SRRM3: variants seen among roughly 807,000 people sequenced by gnomAD.
SRRM3 encodes serine/arginine repetitive matrix protein 3.
SRRM3 carries 27 observed loss-of-function variants against 66.2 expected under a neutral mutation model. The observed-to-expected ratio is 0.41, with a 90% CI of 0.30 to 0.56. SRRM3 has a LOEUF of 0.56. SRRM3 is among the 20% of genes least tolerant of loss of function. SRRM3 has a pLI of 0.32. For synonymous variants in SRRM3, 391 were observed against 414.9 expected (o/e 0.94, Z 0.70); for missense variants, 918 against 991.9 (o/e 0.93, Z 1.00).
intron 3 of SRRM3, among the ~76,000 whole-genome samples, chr7:76,248,917 T>C (rs1427167203): frequency 6.6e-6 from 1 of 151,830 alleles, no homozygotes; most frequent in Non-Finnish European, 1.5e-5. Context: ...AAGGCAGAGG[T>C]TGCAGTGAGC....
At chr7:76,242,274 C>T (rs1404206282) in intron 2 of SRRM3, among the ~76,000 whole-genome samples, 3 of 152,072 alleles carry the variant, frequency 2.0e-5, no homozygotes, top group African/African-American at 7.2e-5. Context: ...CACCTGAGGT[C>T]GGGAGTTCGA....
At chr7:76,218,731 T>C (rs1264173057) in intron 1 of SRRM3, among the ~76,000 whole-genome samples, 1 of 146,636 alleles carries the variant, frequency 6.8e-6, no homozygotes, top group African/African-American at 2.5e-5. Context: ...CAGGCTGGAT[T>C]GCAGTGGTGA....
intron 1 of SRRM3, among the ~76,000 whole-genome samples, chr7:76,203,461 G>A (rs1554600820): frequency 6.6e-6 from 1 of 152,254 alleles, no homozygotes; most frequent in Non-Finnish European, 1.5e-5. Context: ...TGGATAAGGA[G>A]ATGGGAGACT....
rs782672067 is a variant in SRRM3 at position 76,285,565 on chromosome 7, T to C, written c.1734-50T>C. On this transcript the variant is annotated intron_variant, in intron 14 of 14. Coordinates refer to ENST00000611745, the MANE Select transcript of SRRM3 (RefSeq NM_001110199.3). The surrounding 1 kb of genome is among the most constrained non-coding windows in gnomAD (Gnocchi z 4.1). ...CAGGAAGCCCTGGCCGCTGCTGGGA[T>C]GGGGCTCGGGGCCTGGGATGGCCTG... is the stretch of plus-strand genomic sequence containing the variant. 29 of 1,479,274 alleles carry C rather than the reference T, an allele frequency of 2.0e-5. No individual in the cohort carries two copies. The South Asian group carries it at 3.7e-4, about 19-fold the overall frequency. 91.6% of individuals were successfully genotyped at this position (1,479,274 alleles called of 1,614,324 possible). A position where few individuals can be genotyped will look rare whatever the true frequency, so the allele number is the denominator to read the frequency against.
At position 76,285,825 on chromosome 7, in the gene SRRM3, T is replaced by G. The variant is rs1392027030; in HGVS notation, c.1944T>G (p.Ser648=). 1 of 1,550,052 alleles carries G rather than the reference T, an allele frequency of 6.5e-7. No individual in the cohort carries two copies. The highest frequency in any genetic ancestry group is 2.0e-5 in the Admixed American group (1 of 50,986). The change falls in exon 15 of 15, where the codon TCT becomes TCG. Residue 648 remains serine, a synonymous_variant. Transcript: ENST00000611745. This position sits in a 1 kb window ranked among gnomAD's most constrained non-coding sequence, Gnocchi z 4.1. The part of the protein sequence containing the change: ...PSPSYHSRSS[S]ESGGF ...CCAGCTACCACAGCCGGAGCAGCTC[T>G]GAGAGCGGGGGCTTCTGAGCCCAGA... is the stretch of plus-strand genomic sequence containing the variant.
chr7:76,203,520 G>A (rs1335856730), intron 1 of SRRM3, among the ~76,000 whole-genome samples: 6 of 152,188 alleles, frequency 3.9e-5, no homozygotes, highest in Admixed American at 3.3e-4. Context: ...TAGGAGACAA[G>A]TAAGAATTTC....
At chr7:76,284,967 A>G (rs1451205941) in intron 14 of SRRM3, among the ~76,000 whole-genome samples, 1 of 152,148 alleles carries the variant, frequency 6.6e-6, no homozygotes, top group Non-Finnish European at 1.5e-5. Context: ...TGCAGAGGGG[A>G]CAGGGGAACA....
intron 8 of SRRM3, among the ~76,000 whole-genome samples, chr7:76,262,431 G>A (rs1554608889): frequency 1.3e-5 from 2 of 151,378 alleles, no homozygotes; most frequent in East Asian, 1.9e-4. Context: ...ACTTGAACCC[G>A]GGTGGCGGAG....
chr7:76,248,896 C>T (rs1801505632), intron 3 of SRRM3, among the ~76,000 whole-genome samples: 1 of 152,190 alleles, frequency 6.6e-6, no homozygotes, highest in Non-Finnish European at 1.5e-5. Flanking sequence ...AGGAGAATCG[C>T]TTGAACCCGG....
intron 12 of SRRM3, 59 bp from the exon 13 acceptor site, chr7:76,282,589 C>CA: frequency 1.0e-6 from 1 of 959,182 alleles, no homozygotes; most frequent in Non-Finnish European, 1.4e-6. Context: ...GAACCCTCCC[C>CA]GCCCCCAGCC....
chr7:76,277,503 G>A (rs1554611288), intron 11 of SRRM3, among the ~76,000 whole-genome samples: 1 of 151,988 alleles, frequency 6.6e-6, no homozygotes, highest in African/African-American at 2.4e-5. Context: ...AGACCAGCCT[G>A]GCCAACATGG....
chr7:76,282,030 C>T (rs1286535442), intron 12 of SRRM3, among the ~76,000 whole-genome samples: 2 of 136,038 alleles, frequency 1.5e-5, no homozygotes, highest in Non-Finnish European at 3.2e-5. Flanking sequence ...CAACCCCCCA[C>T]GGAGCTCTCC....
At chr7:76,257,944 G>A (rs1801754658) in intron 3 of SRRM3, among the ~76,000 whole-genome samples, 1 of 152,088 alleles carries the variant, frequency 6.6e-6, no homozygotes, top group Admixed American at 6.6e-5. Context: ...ATGAGCCCTT[G>A]TCTGGAGCTT....
At chr7:76,205,625 TG>T (rs1800282701) in intron 1 of SRRM3, among the ~76,000 whole-genome samples, 1 of 152,150 alleles carries the variant, frequency 6.6e-6, no homozygotes, top group African/African-American at 2.4e-5. Context: ...CTGTGGTCCT[TG>T]GGGGCCTCCT....
intron 1 of SRRM3, among the ~76,000 whole-genome samples, chr7:76,227,640 C>T (rs1350858086): frequency 6.6e-6 from 1 of 152,200 alleles, no homozygotes; most frequent in East Asian, 1.9e-4. Flanking sequence ...TCACACTATG[C>T]TGCTGTTTAC....
At chr7:76,264,617 T>G in intron 8 of SRRM3, 148 bp from the exon 9 acceptor site, 1 of 716,314 alleles carries the variant, frequency 1.4e-6, no homozygotes, top group Non-Finnish European at 2.3e-6. Flanking sequence ...AGGGGTGGAG[T>G]AGGATGGAAA....
rs782243793 is a variant in SRRM3, at chr7:76,235,234, C to T, written c.168C>T (p.Asp56=). ...AGCGCGCGCACCGCGAGATCCTGGA[C>T]CACGAGCGCAAGCGGCGGGTGGAGC... ...LVKRAHREIL[D]HERKRRVELK... The change falls in exon 2 of 15, where the codon GAC becomes GAT. Residue 56 remains aspartate (D), a synonymous_variant. Coordinates refer to ENST00000611745, the MANE Select transcript of SRRM3 (RefSeq NM_001110199.3). 8 of 1,555,886 alleles carry T rather than the reference C, an allele frequency of 5.1e-6. No homozygotes were observed. In the East Asian group the frequency reaches 1.7e-4, roughly 32 times the overall value.
intron 11 of SRRM3, chr7:76,269,599 C>A (rs1384876820): frequency 6.6e-6 from 1 of 151,754 alleles, no homozygotes; most frequent in African/African-American, 2.4e-5. Flanking sequence ...GAAAGCTCAA[C>A]ATTTTTTAAC....
Position 76,264,793 on chromosome 7 carries a change from GAGA to G in SRRM3, c.708_710del (p.Lys236del). Reference sequence around the variant, plus strand: ...TCGAAGCTCCAAGTGCAAAAGAAAAGAGAAGAACAAAGAGAAGAAGAGGTAAGC... The same window carrying G: ...TCGAAGCTCCAAGTGCAAAAGAAAAGAGAACAAAGAGAAGAAGAGGTAAGC... On this transcript the variant is annotated inframe_deletion, in exon 9 of 15. Transcript: ENST00000611745. 1 of 1,613,732 alleles carries G rather than the reference GAGA, an allele frequency of 6.2e-7. No individual in the cohort carries two copies.
Sources: allele counts gnomAD v4.1 joint callset (sites outside exome capture counted in the v4.1 genomes callset), GRCh38; gene constraint gnomAD v4.1.1; non-coding constraint Gnocchi (gnomAD v3.1); transcripts MANE v1.5; gene names NCBI Gene and HGNC (gene_info 2026-07-23, HGNC 2026-07-21).